Variants in DDX1 observed in about 807,000 individuals in gnomAD.
DDX1 encodes the protein DEAD-box helicase 1, also known as ATP-dependent RNA helicase DDX1.
A neutral mutation model predicts 108.7 loss-of-function variants in DDX1; 28 were observed. The ratio of observed to expected loss-of-function variants is 0.26; its 90% CI spans 0.19 to 0.35. DDX1 has a LOEUF of 0.35. DDX1 is among the 10% of genes least tolerant of loss of function. DDX1 has a pLI of 1.00. For synonymous variants in DDX1, 295 were observed against 288.9 expected (o/e 1.02, Z -0.21); for missense variants, 710 against 884.5 (o/e 0.80, Z 2.50).
intron 18 of DDX1, 27 bp from the exon 19 acceptor site, chr2:15,623,409 G>T: frequency 6.2e-7 from 1 of 1,609,778 alleles, no homozygotes; most frequent in African/African-American, 1.3e-5. Context: ...AATTCTGTTG[G>T]TTTTTGTTGT....
intron 5 of DDX1, 129 bp from the exon 6 acceptor site, chr2:15,599,540 T>G (rs141927898): frequency 1.9e-6 from 1 of 528,458 alleles, no homozygotes; most frequent in African/African-American, 2.0e-5. Flanking sequence ...CTTGAACTCC[T>G]GACCTCAAGT....
At chr2:15,621,152 G>A (rs374295473) in intron 18 of DDX1, 36 bp downstream of exon 18, 1 of 1,492,850 alleles carries the variant, frequency 6.7e-7, no homozygotes. Flanking sequence ...GAAAGATTTT[G>A]AAAATGAAAT....
intron 16 of DDX1, among the ~76,000 whole-genome samples, chr2:15,619,503 G>A (rs1173700293): frequency 1.3e-5 from 2 of 152,242 alleles, no homozygotes; most frequent in Non-Finnish European, 2.9e-5. Context: ...TCTCCCCGCT[G>A]CAGCCAGCTT....
intron 14 of DDX1, among the ~76,000 whole-genome samples, chr2:15,616,452 C>G (rs1198849374): frequency 6.6e-6 from 1 of 152,182 alleles, no homozygotes; most frequent in Non-Finnish European, 1.5e-5. Flanking sequence ...ATCACCATAC[C>G]TATGGACTTG....
At chr2:15,611,447 C>T in intron 13 of DDX1, among the ~76,000 whole-genome samples, 1 of 146,176 alleles carries the variant, frequency 6.8e-6, no homozygotes, top group Non-Finnish European at 1.5e-5. Flanking sequence ...CTCCTCACCT[C>T]CCAGTAGGGA....
intron 1 of DDX1, among the ~76,000 whole-genome samples, chr2:15,594,110 GAGTT>G: frequency 6.6e-6 from 1 of 150,920 alleles, no homozygotes; most frequent in African/African-American, 2.4e-5. Flanking sequence ...AAAAGAAAAA[GAGTT>G]AGGAGAGCCT....
intron 4 of DDX1, 108 bp downstream of exon 4, chr2:15,596,871 G>A: frequency 1.2e-6 from 1 of 841,494 alleles, no homozygotes; most frequent in Non-Finnish European, 1.9e-6. Flanking sequence ...CCTCCAAAAG[G>A]TAAGGAATTA....
chr2:15,614,097 A>G (rs572990767), intron 14 of DDX1, among the ~76,000 whole-genome samples: 1 of 152,330 alleles, frequency 6.6e-6, no homozygotes, highest in African/African-American at 2.4e-5. Flanking sequence ...CTGGGATTAC[A>G]GGAGTGAACT....
chr2:15,596,474 A>G (rs1665500292), intron 3 of DDX1, among the ~76,000 whole-genome samples: 2 of 152,310 alleles, frequency 1.3e-5, no homozygotes, highest in South Asian at 2.1e-4. Flanking sequence ...GGATACTTTT[A>G]TAATAATCTA....
chr2:15,604,368 G>A (rs1665632119), intron 9 of DDX1, 69 bp from the exon 10 acceptor site: 10 of 983,352 alleles, frequency 1.0e-5, no homozygotes, highest in Non-Finnish European at 1.6e-5. Context: ...TACTTTTGAT[G>A]CAGCTATATT....
At chr2:15,594,495 G>A (rs572508825) in intron 1 of DDX1, among the ~76,000 whole-genome samples, 1 of 152,276 alleles carries the variant, frequency 6.6e-6, no homozygotes, top group South Asian at 2.1e-4. Context: ...CATTTAGGAT[G>A]GGCCTTGAAG....
intron 24 of DDX1, 72 bp from the exon 25 acceptor site, chr2:15,629,918 T>C: frequency 7.0e-7 from 1 of 1,422,506 alleles, no homozygotes; most frequent in Non-Finnish European, 9.6e-7. Context: ...TTTCCAGCTT[T>C]ATTTAATGAT....
Position 15,630,939 on chromosome 2 carries a change from G to C in DDX1, c.*33G>C. 2 of 1,607,716 alleles carry C rather than the reference G, an allele frequency of 1.2e-6. No homozygotes were observed. Among genetic ancestry groups the C allele is most frequent in the Non-Finnish European group, 1.7e-6 (2 of 1,175,014 alleles). ...ATTTACTGAATAAGATTTGAGTAAT[G>C]AAAGTCTGTAGTCTTAAAACTCTAA... On this transcript the variant is annotated 3_prime_UTR_variant, in exon 26 of 26. Transcript: ENST00000233084.
rs2148740302 is a variant in DDX1 at position 15,605,837 on chromosome 2, C to T, written c.626-113C>T. On this transcript the variant is annotated intron_variant, in intron 10 of 25. Transcript: ENST00000233084. ...CTGGCCTTAGGCAGCACAGTTTATCCATAGTGACAGGAGAGAGGCATGAAT... is the reference window on the plus strand; with the variant it reads ...CTGGCCTTAGGCAGCACAGTTTATCTATAGTGACAGGAGAGAGGCATGAAT... 6 of 702,146 alleles carry T rather than the reference C, an allele frequency of 8.5e-6. No homozygotes were observed. The South Asian group carries it at 1.4e-4, about 16-fold the overall frequency. The allele number at this position is 702,146 out of a possible 1,614,324, so 43.5% of individuals were successfully genotyped here. A position where few individuals can be genotyped will look rare whatever the true frequency, so the allele number is the denominator to read the frequency against.
chr2:15,613,410 G>A (rs1038838947), intron 14 of DDX1, 126 bp downstream of exon 14: 49 of 540,406 alleles, frequency 9.1e-5, no homozygotes, highest in Middle Eastern at 1.0e-3. Flanking sequence ...GAGTATGTTT[G>A]TTCAAAGACA....
At chr2:15,620,179 C>T in intron 16 of DDX1, 29 bp from the exon 17 acceptor site, 1 of 1,570,220 alleles carries the variant, frequency 6.4e-7, no homozygotes, top group Non-Finnish European at 8.7e-7. Context: ...TATAAAAGTT[C>T]ATCTCAATTT....
At chr2:15,610,612 A>G (rs1665735332) in intron 13 of DDX1, among the ~76,000 whole-genome samples, 1 of 152,220 alleles carries the variant, frequency 6.6e-6, no homozygotes, top group African/African-American at 2.4e-5. Context: ...TCTGGAGGCA[A>G]CGTTTTAAAT....
At chr2:15,622,420 AG>A (rs1194797811) in intron 18 of DDX1, among the ~76,000 whole-genome samples, 1 of 152,228 alleles carries the variant, frequency 6.6e-6, no homozygotes, top group Non-Finnish European at 1.5e-5. Flanking sequence ...TTGAAAATAT[AG>A]GAAGGTACAT....
At position 15,602,561 on chromosome 2, in the gene DDX1, T is replaced by A; in HGVS notation, c.321T>A (p.Asp107Glu). 1.2e-6 allele frequency: 2 copies of A among 1,613,570 alleles called. No individual in the cohort carries two copies. The highest frequency in any genetic ancestry group is 1.7e-6 in the Non-Finnish European group (2 of 1,179,476). ...TCTCAAATCCAGCAATTGGGTCAGA[T>A]GGTCTTTGTTGTCAAAGCAGAGAAG... ...DRGSAFAIGS[D>E]GLCCQSREVK... The change falls in exon 7 of 26, where the codon GAT becomes GAA. Residue 107 changes from aspartate to glutamate, a missense_variant. Physicochemically the swap from Asp to Glu is conservative, Grantham distance 45 (BLOSUM62 2). This residue lies in a region of DDX1 where 661 missense variants were observed against 810.2 expected (regional missense o/e 0.82). Coordinates refer to ENST00000233084, the MANE Select transcript of DDX1 (RefSeq NM_004939.3).
Sources: allele counts gnomAD v4.1 joint callset (sites outside exome capture counted in the v4.1 genomes callset), GRCh38; gene constraint gnomAD v4.1.1; regional missense constraint gnomAD v4.1.1; transcripts MANE v1.5; gene names NCBI Gene and HGNC (gene_info 2026-07-23, HGNC 2026-07-21).